LRRC8C: variants seen among roughly 807,000 people sequenced by gnomAD.
The protein encoded by LRRC8C is volume-regulated anion channel subunit LRRC8C.
LRRC8C carries 20 observed loss-of-function variants against 55.3 expected under a neutral mutation model. That is an observed-to-expected ratio of 0.36 (90% confidence interval 0.25 to 0.53). The LOEUF (loss-of-function observed/expected upper bound fraction) is 0.53, where lower values mean the gene tolerates loss of function less well. Ranked by LOEUF, LRRC8C falls within the 20% of genes least tolerant of loss-of-function variation. The pLI is 0.92. For synonymous variants in LRRC8C, 376 were observed against 360.7 expected (o/e 1.04, Z -0.48); for missense variants, 659 against 951.4 (o/e 0.69, Z 4.04).
upstream of LRRC8C, among the ~76,000 whole-genome samples, chr1:89,628,306 T>C (rs977538230): frequency 6.6e-6 from 1 of 152,196 alleles, no homozygotes; most frequent in Non-Finnish European, 1.5e-5. Flanking sequence ...GAGAAAAGCA[T>C]AACAAATTTA....
At position 89,681,360 on chromosome 1, in the gene LRRC8C, C is replaced by T. The variant is rs544447182; in HGVS notation, c.-4-5110C>T. ...TTGTAGTTTTTTATTCAAGTCTTCCCTTACTCACCTTTTTGCATCAAAAAC... is the reference window on the plus strand; with the variant it reads ...TTGTAGTTTTTTATTCAAGTCTTCCTTTACTCACCTTTTTGCATCAAAAAC... On this transcript the variant is annotated intron_variant, in intron 1 of 2. Coordinates refer to ENST00000370454, the MANE Select transcript of LRRC8C (RefSeq NM_032270.5). 2.6e-5 allele frequency among the ~76,000 whole-genome samples: 4 copies of T among 152,328 alleles called. No individual in the cohort carries two copies. In the South Asian group the frequency reaches 6.2e-4, roughly 24 times the overall value.
At chr1:89,671,378 A>G (rs1312846615) in intron 1 of LRRC8C, among the ~76,000 whole-genome samples, 1 of 150,370 alleles carries the variant, frequency 6.7e-6, no homozygotes, top group Admixed American at 6.6e-5. Context: ...AAAACAGATC[A>G]AAGGAGACTA....
At chr1:89,680,174 T>C (rs1657660610) in intron 1 of LRRC8C, among the ~76,000 whole-genome samples, 2 of 151,216 alleles carry the variant, frequency 1.3e-5, no homozygotes, top group South Asian at 4.2e-4. Context: ...ACCTCCTGGG[T>C]TCACACCATT....
intron 1 of LRRC8C, among the ~76,000 whole-genome samples, chr1:89,662,591 G>A (rs930513858): frequency 2.6e-5 from 4 of 152,160 alleles, no homozygotes; most frequent in African/African-American, 9.7e-5. Context: ...TAGCAGCTAA[G>A]ATGGGTCAGA....
Position 89,712,853 on chromosome 1 carries a change from GA to G in LRRC8C, c.286del (p.Met96Ter). 6.2e-7 allele frequency: 1 copy of G among 1,614,168 alleles called. No individual in the cohort carries two copies. The highest frequency in any genetic ancestry group is 8.5e-7 in the Non-Finnish European group (1 of 1,180,026). ...ATCTCCTGCTAACCCCATCACTGTG[GA>G]AATGAAAGGCCTGAAGACAGATTTG... ...KPSPANPITV[E>X]MKGLKTDLDL... is the part of the protein sequence containing the mutation. On this transcript the variant is annotated frameshift_variant, in exon 3 of 3. Coordinates refer to ENST00000370454, the MANE Select transcript of LRRC8C (RefSeq NM_032270.5). LOFTEE classifies it high-confidence loss of function.
At chr1:89,626,294 GC>G in the LRRC8C span, 3 of 152,172 alleles carry the variant, frequency 2.0e-5, no homozygotes, top group African/African-American at 7.2e-5. Context: ...AATACTTTTA[GC>G]CACCAAATGT....
intron 1 of LRRC8C, among the ~76,000 whole-genome samples, chr1:89,678,977 G>A (rs910975241): frequency 3.3e-5 from 5 of 152,170 alleles, no homozygotes; most frequent in African/African-American, 1.2e-4. Context: ...TACGTAGTGG[G>A]AACTCTGAGT....
chr1:89,688,719 CG>C (rs1251128449), intron 2 of LRRC8C, among the ~76,000 whole-genome samples: 1 of 152,122 alleles, frequency 6.6e-6, no homozygotes, highest in Non-Finnish European at 1.5e-5. Flanking sequence ...TTGGTTTCCC[CG>C]GAGACCTGAT....
At chr1:89,651,294 C>CGT (rs1656768569) in intron 1 of LRRC8C, among the ~76,000 whole-genome samples, 1 of 152,090 alleles carries the variant, frequency 6.6e-6, no homozygotes, top group African/African-American at 2.4e-5. Context: ...ATAGGCCAGG[C>CGT]ATAGTGGCTC....
At chr1:89,710,522 A>G (rs915683724) in intron 2 of LRRC8C, among the ~76,000 whole-genome samples, 4 of 152,220 alleles carry the variant, frequency 2.6e-5, no homozygotes, top group Non-Finnish European at 5.9e-5. Flanking sequence ...CATACTCAAC[A>G]TTTTCCTCTA....
chr1:89,667,986 G>A (rs1657318519), intron 1 of LRRC8C, among the ~76,000 whole-genome samples: 1 of 152,060 alleles, frequency 6.6e-6, no homozygotes, highest in Admixed American at 6.6e-5. Context: ...GTTCTTTGTT[G>A]GCATATCTAC....
At chr1:89,705,419 A>G (rs981340224) in intron 2 of LRRC8C, among the ~76,000 whole-genome samples, 1 of 151,588 alleles carries the variant, frequency 6.6e-6, no homozygotes, top group Non-Finnish European at 1.5e-5. Context: ...AACTTAAAGT[A>G]TAATAATAAT....
Position 89,679,264 on chromosome 1 carries a change from G to A in LRRC8C, c.-4-7206G>A, listed in dbSNP as rs147043516. Among the ~76,000 whole-genome samples the A allele has an allele frequency of 2.8e-3, 429 of 152,234 alleles. 2 individuals are homozygous for A. Among genetic ancestry groups the A allele is most frequent in the African/African-American group, 0.01 (417 of 41,540 alleles). ...AAGTGCTGCTCATAAATAAGATGAG[G>A]AATGAAAGGCTAGGTGCAGTGGCTC... is the stretch of plus-strand genomic sequence containing the variant. On this transcript the variant is annotated intron_variant, in intron 1 of 2. Coordinates refer to ENST00000370454, the MANE Select transcript of LRRC8C (RefSeq NM_032270.5).
At chr1:89,689,950 A>G (rs1657984326) in intron 2 of LRRC8C, among the ~76,000 whole-genome samples, 1 of 152,180 alleles carries the variant, frequency 6.6e-6, no homozygotes. Context: ...CAAAAAAAAA[A>G]AGAGAGAAAT....
At position 89,718,343 on chromosome 1, in the gene LRRC8C, T is replaced by C. The variant is rs964281475; in HGVS notation, c.*3361T>C. 7 of 152,214 alleles carry C rather than the reference T, an allele frequency of 4.6e-5. No homozygotes were observed. Among genetic ancestry groups the C allele is most frequent in the African/African-American group, 1.7e-4 (7 of 41,468 alleles). 9.4% of individuals were successfully genotyped at this position (152,214 alleles called of 1,614,324 possible). A position where few individuals can be genotyped will look rare whatever the true frequency, so the allele number is the denominator to read the frequency against. On this transcript the variant is annotated 3_prime_UTR_variant, in exon 3 of 3. Transcript: ENST00000370454. ...TCAGATGTAGCCATTTACCTGGCTC[T>C]CAAGTTGTCTTTGTGGAGAGGGTCT...
At position 89,672,782 on chromosome 1, in the gene LRRC8C, ATATT is replaced by A. The variant is rs147921862; in HGVS notation, c.-4-13662_-4-13659del. ...CAATTTCCATTTCTTCGTTGACTGGATATTTATTTATTTATTTATTTATTTATTT... is the reference window on the plus strand; with the variant it reads ...CAATTTCCATTTCTTCGTTGACTGGATATTTATTTATTTATTTATTTATTT... On this transcript the variant is annotated intron_variant, in intron 1 of 2. Coordinates refer to ENST00000370454, the MANE Select transcript of LRRC8C (RefSeq NM_032270.5). Among the ~76,000 whole-genome samples the A allele has an allele frequency of 3.9e-4, 57 of 147,680 alleles. 1 individual carries two copies. In the Middle Eastern group the frequency reaches 0.01, roughly 27 times the overall value.
In LRRC8C at chr1:89,715,216, G is replaced by T. The variant is rs1658784017; in HGVS notation, c.*234G>T. On this transcript the variant is annotated 3_prime_UTR_variant, in exon 3 of 3. Coordinates refer to ENST00000370454, the MANE Select transcript of LRRC8C (RefSeq NM_032270.5). ...TATCTATTATCTACTGACAGAAAGA[G>T]ATAGTTCCATTTGGTTTTTTGTTTT... 2 of 310,694 alleles carry T rather than the reference G, an allele frequency of 6.4e-6. No individual in the cohort carries two copies. Among genetic ancestry groups the T allele is most frequent in the Non-Finnish European group, 1.2e-5 (2 of 173,334 alleles). The allele number at this position is 310,694 out of a possible 1,614,324, so 19.2% of individuals were successfully genotyped here.
chr1:89,716,922 G>A lies in LRRC8C; in HGVS notation c.*1940G>A, dbSNP rs1484722985. The A allele has an allele frequency of 6.6e-6, 1 of 152,008 alleles. No individual in the cohort carries two copies. Among genetic ancestry groups the A allele is most frequent in the East Asian group, 1.9e-4 (1 of 5,182 alleles). 9.4% of individuals were successfully genotyped at this position (152,008 alleles called of 1,614,324 possible). On this transcript the variant is annotated 3_prime_UTR_variant, in exon 3 of 3. Transcript: ENST00000370454. Reference sequence around the variant, plus strand: ...AAGCATTAGGGAAAGAGATTCTTTCGATTTGTTTAATAATCTAATTATACA... The same window carrying A: ...AAGCATTAGGGAAAGAGATTCTTTCAATTTGTTTAATAATCTAATTATACA...
At chr1:89,677,779 T>C (rs1040392743) in intron 1 of LRRC8C, among the ~76,000 whole-genome samples, 6 of 152,240 alleles carry the variant, frequency 3.9e-5, no homozygotes, top group African/African-American at 1.4e-4. Flanking sequence ...TACAGAACCA[T>C]ATAATTATGT....
Sources: gnomAD v4.1 joint callset for allele counts (sites outside exome capture counted in the v4.1 genomes callset) on GRCh38, gnomAD v4.1.1 for gene constraint, MANE v1.5 for transcripts, NCBI Gene and HGNC (gene_info 2026-07-23, HGNC 2026-07-21) for gene names.